Variants in CAMTA1 observed in about 807,000 individuals in gnomAD.
The protein encoded by CAMTA1 is calmodulin-binding transcription activator 1.
In CAMTA1, 27 loss-of-function variants were observed where a neutral mutation model predicts 170.9. The ratio of observed to expected loss-of-function variants is 0.16; its 90% CI spans 0.12 to 0.22. The LOEUF is 0.22. Ranked by LOEUF, CAMTA1 falls within the 10% of genes least tolerant of loss-of-function variation. The probability of loss-of-function intolerance (pLI) is 1.00; values close to 1 mark genes in which losing one functional copy is unlikely to be tolerated. For missense variants in CAMTA1, 1,619 were observed against 2,217.2 expected, an observed-to-expected ratio of 0.73 and a Z score of 5.42; for synonymous variants, 833 against 891.5, an observed-to-expected ratio of 0.93 and a Z score of 1.17.
intron 3 of CAMTA1, among the ~76,000 whole-genome samples, chr1:6,912,353 G>T (rs1407732954): frequency 6.6e-6 from 1 of 152,192 alleles, no homozygotes; most frequent in African/African-American, 2.4e-5. Flanking sequence ...TTCTGAATGA[G>T]AAATTATTCC....
rs569775112 is a variant in CAMTA1 at position 7,252,632 on chromosome 1, T to G, written c.438+3006T>G. ...GGACTCTGCGTCCGTCTTTGGTGGA[T>G]TCAATCAGGTGGTTCCCATAGACTC... On this transcript the variant is annotated intron_variant, in intron 5 of 22. Transcript: ENST00000303635. 2.6e-5 allele frequency among the ~76,000 whole-genome samples: 4 copies of G among 152,306 alleles called. No individual in the cohort carries two copies. In the South Asian group the frequency reaches 8.3e-4, roughly 32 times the overall value.
Position 6,887,228 on chromosome 1 carries a change from T to G in CAMTA1, c.234+62018T>G, listed in dbSNP as rs1673476772. On this transcript the variant is annotated intron_variant, in intron 3 of 22. Coordinates refer to ENST00000303635, the MANE Select transcript of CAMTA1 (RefSeq NM_015215.4). This position sits in a 1 kb window ranked among gnomAD's most constrained non-coding sequence, Gnocchi z 4.1. ...TAAGTAGTTTGCTGAATATGCATAG[T>G]AAGTAAAAAAATTCTTCCAAAATTA... Among the ~76,000 whole-genome samples, 1 of 152,238 alleles carries G rather than the reference T, an allele frequency of 6.6e-6. No individual in the cohort carries two copies. The highest frequency in any genetic ancestry group is 1.5e-5 in the Non-Finnish European group (1 of 68,046).
intron 1 of CAMTA1, among the ~76,000 whole-genome samples, chr1:6,796,843 A>G (rs546759165): frequency 2.6e-5 from 4 of 152,322 alleles, no homozygotes; most frequent in East Asian, 3.9e-4. Context: ...CCTCCGGCCC[A>G]TAGTATCTTT....
intron 3 of CAMTA1, among the ~76,000 whole-genome samples, chr1:6,985,576 C>T (rs1695225775): frequency 6.6e-6 from 1 of 152,202 alleles, no homozygotes. Context: ...AATCTCTCTG[C>T]ATTTATTTTC....
intron 3 of CAMTA1, among the ~76,000 whole-genome samples, chr1:7,057,464 G>T (rs1441975756): frequency 1.3e-5 from 2 of 152,192 alleles, no homozygotes; most frequent in African/African-American, 4.8e-5. Flanking sequence ...GCGGCGGGGT[G>T]GCCCTTGCTG....
chr1:7,332,091 GC>G (rs1306676481), intron 5 of CAMTA1, among the ~76,000 whole-genome samples: 1 of 152,180 alleles, frequency 6.6e-6, no homozygotes, highest in African/African-American at 2.4e-5. Context: ...TGATGTTTGT[GC>G]ACCAAATGGA....
chr1:6,884,140 G>T (rs1042061219), intron 3 of CAMTA1, among the ~76,000 whole-genome samples: 1 of 151,996 alleles, frequency 6.6e-6, no homozygotes, highest in Non-Finnish European at 1.5e-5. Flanking sequence ...AGGATTGGCC[G>T]TGTAGATCTA....
chr1:7,604,022 C>G (rs909501949), intron 6 of CAMTA1, among the ~76,000 whole-genome samples: 3 of 152,346 alleles, frequency 2.0e-5, no homozygotes, highest in African/African-American at 7.2e-5. Flanking sequence ...CCACTCTCTT[C>G]TGGCTTGTAG....
intron 5 of CAMTA1, among the ~76,000 whole-genome samples, chr1:7,320,371 T>C (rs569215066): frequency 5.3e-5 from 8 of 152,214 alleles, no homozygotes; most frequent in Non-Finnish European, 1.0e-4. Flanking sequence ...CTGATTGAAA[T>C]AGAAGAGATC....
At chr1:6,923,023 A>G (rs1007860320) in intron 3 of CAMTA1, among the ~76,000 whole-genome samples, 2 of 152,214 alleles carry the variant, frequency 1.3e-5, no homozygotes, top group African/African-American at 2.4e-5. Context: ...ATAAGTATCA[A>G]TTAAGCTGTT....
At chr1:7,632,704 T>C (rs560906959) in intron 6 of CAMTA1, among the ~76,000 whole-genome samples, 2 of 152,330 alleles carry the variant, frequency 1.3e-5, no homozygotes, top group Admixed American at 6.5e-5. Context: ...CTGACACCCA[T>C]TGGCCCAGGA....
chr1:6,949,669 C>T (rs1688146416), intron 3 of CAMTA1, among the ~76,000 whole-genome samples: 1 of 152,260 alleles, frequency 6.6e-6, no homozygotes, highest in Non-Finnish European at 1.5e-5. Flanking sequence ...AGCTCACTCT[C>T]TGAATGACCT....
At chr1:7,617,078 G>C (rs1047728456) in intron 6 of CAMTA1, among the ~76,000 whole-genome samples, 17 of 152,136 alleles carry the variant, frequency 1.1e-4, no homozygotes, top group Admixed American at 1.1e-3. Context: ...AGCCCTTCCC[G>C]CGGGGGAAAT....
At chr1:7,430,547 T>TATGAGG (rs2092110924) in intron 5 of CAMTA1, among the ~76,000 whole-genome samples, 1 of 149,632 alleles carries the variant, frequency 6.7e-6, no homozygotes, top group African/African-American at 2.5e-5. Context: ...TGATGATGGG[T>TATGAGG]ATGAGGATGA....
chr1:7,494,431 T>C (rs1325531618), intron 6 of CAMTA1, among the ~76,000 whole-genome samples: 4 of 152,044 alleles, frequency 2.6e-5, no homozygotes, highest in Non-Finnish European at 4.4e-5. Flanking sequence ...ATGGAGGGGC[T>C]CTGGCCGTCT....
At chr1:7,380,008 G>C (rs2087159876) in intron 5 of CAMTA1, among the ~76,000 whole-genome samples, 1 of 152,188 alleles carries the variant, frequency 6.6e-6, no homozygotes, top group Non-Finnish European at 1.5e-5. Flanking sequence ...GAGGATAATG[G>C]CAATTTAATT....
chr1:7,499,976 C>CAT, intron 6 of CAMTA1, among the ~76,000 whole-genome samples: 1 of 136,324 alleles, frequency 7.3e-6, no homozygotes, highest in Non-Finnish European at 1.5e-5. Flanking sequence ...GCCTGGTGTG[C>CAT]GTGCATAGGT....
At chr1:6,840,362 C>T (rs539516510) in intron 3 of CAMTA1, among the ~76,000 whole-genome samples, 16 of 151,964 alleles carry the variant, frequency 1.1e-4, no homozygotes, top group African/African-American at 7.3e-5. Flanking sequence ...GAGTCTGTTG[C>T]GATAACTGGT....
intron 6 of CAMTA1, among the ~76,000 whole-genome samples, chr1:7,583,019 T>C (rs1372904887): frequency 6.6e-6 from 1 of 151,424 alleles, no homozygotes; most frequent in Non-Finnish European, 1.5e-5. Context: ...TGGCCTGGAG[T>C]GCACACGCTC....
Sources: allele counts gnomAD v4.1 joint callset (sites outside exome capture counted in the v4.1 genomes callset), GRCh38; gene constraint gnomAD v4.1.1; non-coding constraint Gnocchi (gnomAD v3.1); transcripts MANE v1.5; gene names NCBI Gene and HGNC (gene_info 2026-07-23, HGNC 2026-07-21).